CHD9: variants seen among roughly 807,000 people sequenced by gnomAD.
The protein encoded by CHD9 is chromodomain helicase DNA binding protein 9, also known as ATP-dependent chromatin remodeler CHD9.
A neutral mutation model predicts 316.1 loss-of-function variants in CHD9; 77 were observed. The ratio of observed to expected loss-of-function variants is 0.24; its 90% CI spans 0.20 to 0.29. The LOEUF (loss-of-function observed/expected upper bound fraction) is 0.29, where lower values mean the gene tolerates loss of function less well. CHD9 is among the 10% of genes least tolerant of loss of function. CHD9 has a pLI of 1.00. For missense variants in CHD9, 2,763 were observed against 3,438.1 expected (o/e 0.80, Z 4.91); for synonymous variants, 1,129 against 1,158.3 (o/e 0.97, Z 0.51).
At chr16:53,272,026 A>G (rs1447810517) in intron 22 of CHD9, among the ~76,000 whole-genome samples, 3 of 152,178 alleles carry the variant, frequency 2.0e-5, no homozygotes, top group African/African-American at 7.2e-5. Flanking sequence ...AAACATATGT[A>G]TGCAGCCTAT....
At chr16:53,187,139 T>A (rs1188592455) in intron 2 of CHD9, among the ~76,000 whole-genome samples, 1 of 152,118 alleles carries the variant, frequency 6.6e-6, no homozygotes, top group Non-Finnish European at 1.5e-5. Context: ...TCAGAAGATG[T>A]GTATTTCGAG....
intron 36 of CHD9, among the ~76,000 whole-genome samples, chr16:53,317,220 G>A (rs1430559727): frequency 6.7e-6 from 1 of 149,546 alleles, no homozygotes; most frequent in African/African-American, 2.5e-5. Context: ...TCATAAAACA[G>A]TGACTAGTCT....
At chr16:53,304,802 C>G (rs186479877) in intron 31 of CHD9, among the ~76,000 whole-genome samples, 177 bp downstream of exon 31, 83 of 149,768 alleles carry the variant, frequency 5.5e-4, no homozygotes, top group East Asian at 2.2e-3. Flanking sequence ...TCAAGCGACT[C>G]TCCTGCCTCA....
Position 53,115,845 on chromosome 16 carries a change from T to A in CHD9, c.-164-40081T>A, listed in dbSNP as rs77974841. On this transcript the variant is annotated intron_variant, in intron 1 of 38. Transcript: ENST00000447540. The stretch of plus-strand genomic sequence containing the variant: ...AGGAAATAAACTAGGAAATTAGGAG[T>A]CAAAGAAGGCCTCTAATATGAGGAA... 6.1e-3 allele frequency among the ~76,000 whole-genome samples: 933 copies of A among 151,786 alleles called. 9 individuals carry two copies. Among genetic ancestry groups the A allele is most frequent in the African/African-American group, 0.021 (883 of 41,366 alleles).
chr16:53,131,982 G>A (rs964864844), intron 1 of CHD9, among the ~76,000 whole-genome samples: 1 of 152,204 alleles, frequency 6.6e-6, no homozygotes, highest in Non-Finnish European at 1.5e-5. Context: ...GGCTCTCTGC[G>A]TGGACATCCA....
At chr16:53,288,119 C>A (rs1165163094) in intron 27 of CHD9, 105 bp downstream of exon 27, 2 of 810,712 alleles carry the variant, frequency 2.5e-6, no homozygotes, top group African/African-American at 1.7e-5. Flanking sequence ...ATACATAATT[C>A]TTCTGTTCCT....
At chr16:53,143,805 G>T (rs1480517243) in intron 1 of CHD9, among the ~76,000 whole-genome samples, 2 of 152,004 alleles carry the variant, frequency 1.3e-5, no homozygotes, top group Admixed American at 6.6e-5. Flanking sequence ...TTTTCTTTTA[G>T]TTTCTCATTT....
intron 1 of CHD9, among the ~76,000 whole-genome samples, chr16:53,068,697 A>G (rs1247393917): frequency 6.6e-6 from 1 of 152,082 alleles, no homozygotes; most frequent in Non-Finnish European, 1.5e-5. Flanking sequence ...CTCCCTGAAC[A>G]ATTCTCGTCT....
At chr16:53,163,726 T>G (rs1031598122) in intron 2 of CHD9, among the ~76,000 whole-genome samples, 2 of 152,200 alleles carry the variant, frequency 1.3e-5, no homozygotes, top group Non-Finnish European at 2.9e-5. Flanking sequence ...ATTACTGAGA[T>G]CTGGAAAAAT....
At chr16:53,082,418 T>C (rs746297661) in intron 1 of CHD9, among the ~76,000 whole-genome samples, 1 of 152,098 alleles carries the variant, frequency 6.6e-6, no homozygotes, top group African/African-American at 2.4e-5. Context: ...TTATATTTCT[T>C]TGGGTAAAGA....
chr16:53,244,105 A>C (rs1183477786), intron 13 of CHD9, among the ~76,000 whole-genome samples: 1 of 152,018 alleles, frequency 6.6e-6, no homozygotes, highest in Non-Finnish European at 1.5e-5. Context: ...TAAATAATTT[A>C]TACTACCATT....
chr16:53,173,222 G>A (rs962052348), intron 2 of CHD9, among the ~76,000 whole-genome samples: 5 of 151,974 alleles, frequency 3.3e-5, no homozygotes, highest in Admixed American at 2.6e-4. Flanking sequence ...AATAGGTGTA[G>A]GTCTCCTTAG....
At chr16:53,301,290 A>G (rs1308305068) in intron 30 of CHD9, among the ~76,000 whole-genome samples, 1 of 152,186 alleles carries the variant, frequency 6.6e-6, no homozygotes, top group Non-Finnish European at 1.5e-5. Context: ...TTAAAAAAAA[A>G]TGTGAGTGAG....
intron 13 of CHD9, among the ~76,000 whole-genome samples, chr16:53,243,894 A>G (rs1208574689): frequency 6.6e-6 from 1 of 152,192 alleles, no homozygotes; most frequent in East Asian, 1.9e-4. Flanking sequence ...AAATACAAAG[A>G]ACCACATTCT....
At chr16:53,146,413 G>GTA (rs1361043895) in intron 1 of CHD9, among the ~76,000 whole-genome samples, 32 of 24,452 alleles carry the variant, frequency 1.3e-3, no homozygotes, top group Middle Eastern at 0.013. Context: ...TTGTGTGTGT[G>GTA]TGTATGTATA....
At chr16:53,223,852 A>G (rs936363542) in intron 4 of CHD9, among the ~76,000 whole-genome samples, 2 of 151,970 alleles carry the variant, frequency 1.3e-5, no homozygotes, top group Non-Finnish European at 1.5e-5. Context: ...TAAATAAATG[A>G]TGGAAAGATC....
chr16:53,134,152 T>TA (rs1204761017), intron 1 of CHD9, among the ~76,000 whole-genome samples: 3 of 152,084 alleles, frequency 2.0e-5, no homozygotes, highest in Non-Finnish European at 2.9e-5. Flanking sequence ...AATGAGTGAA[T>TA]AAAAAACACA....
chr16:53,223,729 A>G lies in CHD9; in HGVS notation c.1896+974A>G, dbSNP rs116470843. ...TTTCTTCCATGTTTTTCACTGTAGT[A>G]TTAGGTTGTTTTGACAGGTGTGTTG... On this transcript the variant is annotated intron_variant, in intron 4 of 38. Transcript: ENST00000447540. 5.4e-3 allele frequency among the ~76,000 whole-genome samples: 823 copies of G among 152,260 alleles called. 13 individuals are homozygous for G. Among genetic ancestry groups the G allele is most frequent in the African/African-American group, 0.019 (784 of 41,556 alleles).
intron 1 of CHD9, among the ~76,000 whole-genome samples, chr16:53,140,526 C>T (rs534995450): frequency 2.0e-5 from 3 of 152,114 alleles, no homozygotes; most frequent in African/African-American, 7.2e-5. Flanking sequence ...GGAAATTTGT[C>T]ATCTATTTTC....
Sources: gnomAD v4.1 joint callset for allele counts (sites outside exome capture counted in the v4.1 genomes callset) on GRCh38, gnomAD v4.1.1 for gene constraint, MANE v1.5 for transcripts, NCBI Gene and HGNC (gene_info 2026-07-23, HGNC 2026-07-21) for gene names.